OPRM1: variants seen among roughly 807,000 people sequenced by gnomAD.
OPRM1 encodes mu-type opioid receptor.
OPRM1 carries 27 observed loss-of-function variants against 31.8 expected under a neutral mutation model. The ratio of observed to expected loss-of-function variants is 0.85; its 90% CI spans 0.63 to 1.17. The LOEUF (loss-of-function observed/expected upper bound fraction) is 1.17. Ranked by LOEUF, OPRM1 falls within the 50% of genes most tolerant of loss-of-function variation. The pLI, the probability that OPRM1 is intolerant of heterozygous loss-of-function variation, is 0.00. For missense variants in OPRM1, 536 were observed against 511.1 expected, an observed-to-expected ratio of 1.05 and a Z score of -0.47; for synonymous variants, 196 against 189.9, an observed-to-expected ratio of 1.03 and a Z score of -0.26.
intron 3 of OPRM1, among the ~76,000 whole-genome samples, chr6:154,105,992 A>C (rs1367825649): frequency 1.3e-5 from 2 of 152,192 alleles, no homozygotes; most frequent in Admixed American, 1.3e-4. Flanking sequence ...TCTAGGAAAA[A>C]GCTATTGTGA....
intron 3 of OPRM1, among the ~76,000 whole-genome samples, chr6:154,141,756 C>T (rs891002690): frequency 1.3e-5 from 2 of 152,206 alleles, no homozygotes; most frequent in Non-Finnish European, 1.5e-5. Flanking sequence ...TTTGAGTTTC[C>T]GATTGGTCTT....
intron 3 of OPRM1, among the ~76,000 whole-genome samples, chr6:154,151,695 G>T (rs751541599): frequency 6.6e-6 from 1 of 151,580 alleles, no homozygotes. Flanking sequence ...CACCCTGTTT[G>T]CCTGGGAATT....
chr6:154,061,164 A>G (rs1273188405), intron 1 of OPRM1, among the ~76,000 whole-genome samples: 1 of 152,224 alleles, frequency 6.6e-6, no homozygotes, highest in African/African-American at 2.4e-5. Context: ...TTCTGCTACC[A>G]TCAGAGACAA....
intron 1 of OPRM1, among the ~76,000 whole-genome samples, chr6:154,070,572 C>T (rs1415341169): frequency 6.6e-6 from 1 of 152,170 alleles, no homozygotes; most frequent in African/African-American, 2.4e-5. Flanking sequence ...TGCTCAAAAA[C>T]AGTATCTATC....
chr6:154,190,629 C>A (rs931364966), intron 3 of OPRM1, among the ~76,000 whole-genome samples: 10 of 152,188 alleles, frequency 6.6e-5, no homozygotes, highest in Non-Finnish European at 1.5e-4. Flanking sequence ...CATACTCTTA[C>A]CATACAATCC....
intron 3 of OPRM1, chr6:154,093,577 T>C (rs1275364757): frequency 3.3e-6 from 5 of 1,500,832 alleles, no homozygotes; most frequent in Non-Finnish European, 4.4e-6. Flanking sequence ...CTGTTCCAAG[T>C]AACTAAAAGG....
chr6:154,097,730 G>T (rs1793649226), intron 3 of OPRM1, among the ~76,000 whole-genome samples: 1 of 152,156 alleles, frequency 6.6e-6, no homozygotes, highest in Non-Finnish European at 1.5e-5. Context: ...ATTGTGATAT[G>T]TGAGAGAAAA....
rs747595498 is a variant in OPRM1, at chr6:154,118,728, C to A, written c.*7C>A. 3 of 1,613,114 alleles carry A rather than the reference C, an allele frequency of 1.9e-6. 1 individual carries two copies. In the South Asian group the frequency reaches 3.3e-5, roughly 18 times the overall value. On this transcript the variant is annotated 3_prime_UTR_variant, in exon 4 of 4. Coordinates refer to ENST00000330432, the MANE Select transcript of OPRM1 (RefSeq NM_000914.5). ...AACTGCTCCGTTGCCCTAACAGGGT[C>A]TCATGCCATTCCGACCTTCACCAAG...
rs2128554019 is a variant in OPRM1, at chr6:154,168,185, G to A, written c.1164+76713G>A. 2 of 1,163,660 alleles carry A rather than the reference G, an allele frequency of 1.7e-6. No individual in the cohort carries two copies. Among genetic ancestry groups the A allele is most frequent in the Non-Finnish European group, 2.4e-6 (2 of 835,544 alleles). 72.1% of individuals were successfully genotyped at this position (1,163,660 alleles called of 1,614,324 possible). On this transcript the variant is annotated intron_variant, in intron 3 of 3. Transcript: ENST00000337049. The surrounding 1 kb of genome is among the most constrained non-coding windows in gnomAD (Gnocchi z 4.1). ...AATCAAGGAGAGAACATTCAATACT[G>A]TGGTCCCAAGGCACGGCCCCACTGG...
At position 154,168,042 on chromosome 6, in the gene OPRM1, G is replaced by C; in HGVS notation, c.1164+76570G>C. On this transcript the variant is annotated intron_variant, in intron 3 of 3. Transcript: ENST00000337049. The surrounding 1 kb of genome is among the most constrained non-coding windows in gnomAD (Gnocchi z 4.1). ...GTCGAAGGTCGTCGGTCCCCAAGAG[G>C]AGATAGACTAGCTTGCTCTAATGAT... 1.2e-6 allele frequency: 2 copies of C among 1,609,804 alleles called. No individual in the cohort carries two copies. Among genetic ancestry groups the C allele is most frequent in the Non-Finnish European group, 1.7e-6 (2 of 1,176,906 alleles).
chr6:154,190,278 T>C (rs1047634338), intron 3 of OPRM1, among the ~76,000 whole-genome samples: 2 of 151,588 alleles, frequency 1.3e-5, no homozygotes, highest in African/African-American at 2.4e-5. Context: ...AAAAAGCTAA[T>C]GGAAAAAATA....
chr6:154,086,004 C>T (rs374846373), intron 1 of OPRM1, among the ~76,000 whole-genome samples: 1 of 151,074 alleles, frequency 6.6e-6, no homozygotes, highest in South Asian at 2.1e-4. Flanking sequence ...CCTGCCACCA[C>T]CCCCAGCTAA....
chr6:154,148,167 C>T (rs1238722240), intron 3 of OPRM1, among the ~76,000 whole-genome samples: 1 of 152,136 alleles, frequency 6.6e-6, no homozygotes, highest in African/African-American at 2.4e-5. Flanking sequence ...CAGTGGGATC[C>T]CATGCATAGA....
chr6:154,225,427 T>C (rs1408264351), intron 3 of OPRM1, among the ~76,000 whole-genome samples: 1 of 152,204 alleles, frequency 6.6e-6, no homozygotes, highest in East Asian at 1.9e-4. Flanking sequence ...AAGAATAAAG[T>C]ACTAATACAT....
intron 1 of OPRM1, among the ~76,000 whole-genome samples, chr6:154,059,302 C>T (rs1238430729): frequency 6.6e-6 from 1 of 152,150 alleles, no homozygotes; most frequent in East Asian, 1.9e-4. Context: ...AGCCTTTTAA[C>T]CTGGTAAAAT....
chr6:154,107,977 T>C, intron 3 of OPRM1: 1 of 596,598 alleles, frequency 1.7e-6, no homozygotes. Context: ...TATTTTATTT[T>C]ATTTTATTTT....
chr6:154,135,673 G>A (rs1387133722), downstream of OPRM1, among the ~76,000 whole-genome samples: 1 of 152,208 alleles, frequency 6.6e-6, no homozygotes, highest in African/African-American at 2.4e-5. Context: ...GTCCAGCCAT[G>A]GTGTCCAACT....
chr6:154,113,952 T>C (rs1042944784), intron 3 of OPRM1, among the ~76,000 whole-genome samples: 1 of 152,146 alleles, frequency 6.6e-6, no homozygotes, highest in African/African-American at 2.4e-5. Context: ...AGGGAAGCAG[T>C]GAGTCCAGGA....
chr6:154,091,310 C>G lies in OPRM1; in HGVS notation c.1002C>G (p.Asn334Lys). The G allele has an allele frequency of 1.2e-6, 2 of 1,614,196 alleles. No individual in the cohort carries two copies. The highest frequency in any genetic ancestry group is 1.7e-5 in the Admixed American group (1 of 60,020). Reference sequence around the variant, plus strand: ...TAGGTTACACAAACAGCTGCCTCAACCCAGTCCTTTATGCATTTCTGGATG... The same window carrying G: ...TAGGTTACACAAACAGCTGCCTCAAGCCAGTCCTTTATGCATTTCTGGATG... The part of the protein sequence containing the change: ...IALGYTNSCL[N>K]PVLYAFLDEN... The change falls in exon 3 of 4, where the codon AAC becomes AAG. Residue 334 changes from asparagine (N) to lysine (K), a missense_variant. Physicochemically the swap from Asn to Lys is moderately conservative, Grantham distance 94. Transcript: ENST00000330432.
Sources: allele counts gnomAD v4.1 joint callset (sites outside exome capture counted in the v4.1 genomes callset), GRCh38; gene constraint gnomAD v4.1.1; non-coding constraint Gnocchi (gnomAD v3.1); transcripts MANE v1.5; gene names NCBI Gene and HGNC (gene_info 2026-07-23, HGNC 2026-07-21).